DOCK3: variants seen among roughly 807,000 people sequenced by gnomAD.
The protein encoded by DOCK3 is dedicator of cytokinesis 3, also known as dedicator of cytokinesis protein 3.
Under a neutral mutation model 265.6 loss-of-function variants are expected in DOCK3, and 60 were observed. That is an observed-to-expected ratio of 0.23 (90% CI 0.18 to 0.28). The LOEUF is 0.28. DOCK3 is among the 10% of genes least tolerant of loss of function. The pLI is 1.00. For missense variants in DOCK3, 1,981 were observed against 2,594.3 expected (o/e 0.76, Z 5.14); for synonymous variants, 881 against 938.0 (o/e 0.94, Z 1.11).
intron 51 of DOCK3, among the ~76,000 whole-genome samples, chr3:51,377,254 A>G (rs1417580803): frequency 2.0e-5 from 3 of 152,260 alleles, no homozygotes; most frequent in South Asian, 4.1e-4. Flanking sequence ...GCATATCCGT[A>G]CCACAAGGCC....
Position 51,116,378 on chromosome 3 carries a change from G to A in DOCK3, c.746+25994G>A, listed in dbSNP as rs544662244. Among the ~76,000 whole-genome samples the A allele has an allele frequency of 3.4e-5, 5 of 148,340 alleles. No homozygotes were observed. In the South Asian group the frequency reaches 1.1e-3, roughly 32 times the overall value. ...AGGCAGGAGAATGGTGTGAACCCGG[G>A]AGGTGGAGCTTGCAGTGAGCTGAGA... On this transcript the variant is annotated intron_variant, in intron 9 of 52. Transcript: ENST00000266037.
chr3:50,940,815 G>T (rs1445522811), intron 5 of DOCK3, among the ~76,000 whole-genome samples: 1 of 152,080 alleles, frequency 6.6e-6, no homozygotes, highest in African/African-American at 2.4e-5. Context: ...TACAAAAGCA[G>T]TTAAGTAGAG....
chr3:50,903,995 A>AT (rs1455097728), intron 4 of DOCK3, among the ~76,000 whole-genome samples: 2 of 151,880 alleles, frequency 1.3e-5, no homozygotes, highest in African/African-American at 4.8e-5. Flanking sequence ...GTTCCCACCT[A>AT]TAAGTGAGAA....
chr3:51,215,198 A>G (rs2089715620), intron 14 of DOCK3, among the ~76,000 whole-genome samples: 1 of 152,064 alleles, frequency 6.6e-6, no homozygotes, highest in South Asian at 2.1e-4. Flanking sequence ...AACTCCACCC[A>G]CTAGGTGCAA....
At chr3:51,255,471 T>C (rs2079496415) in intron 22 of DOCK3, among the ~76,000 whole-genome samples, 1 of 152,224 alleles carries the variant, frequency 6.6e-6, no homozygotes, top group African/African-American at 2.4e-5. Context: ...TTTTCCAACT[T>C]GGTTCCATTC....
chr3:51,260,356 T>C lies in DOCK3; in HGVS notation c.2355+30T>C, dbSNP rs202122787. 33 of 1,568,992 alleles carry C rather than the reference T, an allele frequency of 2.1e-5. No individual in the cohort carries two copies. The East Asian group carries it at 3.2e-4, about 15-fold the overall frequency. The stretch of plus-strand genomic sequence containing the variant: ...GCACACTGCAGGGAAGCTTTGATGC[T>C]GGGTTCCTCTTTCTCAGTGGGTGGT... On this transcript the variant is annotated intron_variant, in intron 23 of 52. Coordinates refer to ENST00000266037, the MANE Select transcript of DOCK3 (RefSeq NM_004947.5).
At chr3:51,372,613 A>C (rs2087774714) in intron 49 of DOCK3, among the ~76,000 whole-genome samples, 1 of 152,222 alleles carries the variant, frequency 6.6e-6, no homozygotes, top group African/African-American at 2.4e-5. Flanking sequence ...GACCACGGAC[A>C]ACCTGAGCAA....
At chr3:51,033,428 T>G (rs1270820788) in intron 5 of DOCK3, among the ~76,000 whole-genome samples, 5 of 152,234 alleles carry the variant, frequency 3.3e-5, no homozygotes, top group Non-Finnish European at 5.9e-5. Context: ...CACCTTTTAG[T>G]AGCCATTGCT....
At chr3:51,053,943 T>A (rs2081100548) in intron 5 of DOCK3, among the ~76,000 whole-genome samples, 1 of 152,070 alleles carries the variant, frequency 6.6e-6, no homozygotes, top group Non-Finnish European at 1.5e-5. Context: ...AGGTATTTTA[T>A]CAGTTGAATT....
At chr3:50,877,294 A>C (rs1463913997) in intron 3 of DOCK3, 1 of 364,938 alleles carries the variant, frequency 2.7e-6, no homozygotes, top group South Asian at 2.1e-5. Flanking sequence ...ATTTCTATTC[A>C]ACCTTTTTCT....
At chr3:50,912,009 T>G (rs949893874) in intron 4 of DOCK3, among the ~76,000 whole-genome samples, 3 of 152,140 alleles carry the variant, frequency 2.0e-5, no homozygotes, top group Non-Finnish European at 2.9e-5. Context: ...CTACTGATTT[T>G]GGCAGGTTGA....
intron 2 of DOCK3, among the ~76,000 whole-genome samples, chr3:50,782,169 G>C (rs2041948332): frequency 6.6e-6 from 1 of 152,002 alleles, no homozygotes; most frequent in South Asian, 2.1e-4. Context: ...TCGAATGGCA[G>C]TTCTGTTTTT....
At chr3:51,093,536 C>T (rs909954698) in intron 9 of DOCK3, among the ~76,000 whole-genome samples, 1 of 152,086 alleles carries the variant, frequency 6.6e-6, no homozygotes, top group African/African-American at 2.4e-5. Flanking sequence ...GATTTTGTAT[C>T]CTGAGACTTT....
intron 27 of DOCK3, among the ~76,000 whole-genome samples, chr3:51,306,910 A>C (rs1006272166): frequency 9.2e-5 from 14 of 151,884 alleles, no homozygotes; most frequent in African/African-American, 2.9e-4. Flanking sequence ...AAAAGTTTTT[A>C]TTTACTTCTT....
At chr3:51,137,857 T>C (rs2084875689) in intron 9 of DOCK3, among the ~76,000 whole-genome samples, 1 of 152,210 alleles carries the variant, frequency 6.6e-6, no homozygotes, top group Admixed American at 6.5e-5. Flanking sequence ...CTTAGAAAGA[T>C]GGTTTCTCAT....
chr3:51,380,307 C>T, intron 52 of DOCK3, 100 bp downstream of exon 52: 1 of 1,129,006 alleles, frequency 8.9e-7, no homozygotes, highest in Non-Finnish European at 1.2e-6. Context: ...GGAGCCCTCC[C>T]CTTCACCTCT....
At chr3:50,715,199 G>A (rs546844410) in intron 1 of DOCK3, among the ~76,000 whole-genome samples, 2 of 152,282 alleles carry the variant, frequency 1.3e-5, no homozygotes, top group African/African-American at 4.8e-5. Context: ...AACTTTGCTC[G>A]GGTGGATCAG....
At chr3:51,022,229 A>T (rs1279374155) in intron 5 of DOCK3, among the ~76,000 whole-genome samples, 1 of 152,212 alleles carries the variant, frequency 6.6e-6, no homozygotes, top group Non-Finnish European at 1.5e-5. Flanking sequence ...AAATTCATTT[A>T]TTAAATGTAA....
chr3:51,252,472 T>A lies in DOCK3; in HGVS notation c.2184+5665T>A, dbSNP rs183623755. Among the ~76,000 whole-genome samples, 20 of 152,354 alleles carry A rather than the reference T, an allele frequency of 1.3e-4. No individual in the cohort carries two copies. The East Asian group carries it at 3.7e-3, about 28-fold the overall frequency. ...TTGGGCAGTATGGCCATTTTCACAG[T>A]ATTGATTCTTCCTATCCATGAGCAT... On this transcript the variant is annotated intron_variant, in intron 22 of 52. Coordinates refer to ENST00000266037, the MANE Select transcript of DOCK3 (RefSeq NM_004947.5).
Sources: allele counts gnomAD v4.1 joint callset (sites outside exome capture counted in the v4.1 genomes callset), GRCh38; gene constraint gnomAD v4.1.1; transcripts MANE v1.5; gene names NCBI Gene and HGNC (gene_info 2026-07-23, HGNC 2026-07-21).